The following TNRC6A variants were observed in gnomAD, a reference collection of about 807,000 sequenced individuals.
The protein encoded by TNRC6A is trinucleotide repeat-containing gene 6A protein.
TNRC6A carries 44 observed loss-of-function variants against 221.2 expected under a neutral mutation model. The observed-to-expected ratio is 0.20, with a 90% confidence interval of 0.16 to 0.26. The LOEUF is 0.26. Among genes scored for constraint, TNRC6A ranks in the 10% least tolerant of loss-of-function variants. The pLI is 1.00. For missense variants in TNRC6A, 2,199 were observed against 2,404.4 expected (o/e 0.91, Z 1.79); for synonymous variants, 847 against 838.5 (o/e 1.01, Z -0.18).
chr16:24,815,117 C>A, intron 18 of TNRC6A, 30 bp from the exon 19 acceptor site: 1 of 1,597,786 alleles, frequency 6.3e-7, no homozygotes, highest in South Asian at 1.1e-5. Flanking sequence ...GTATTTTGCT[C>A]ACATTTCTCT....
At chr16:24,671,204 T>G in intron 2 of TNRC6A, 1 of 168,596 alleles carries the variant, frequency 5.9e-6, no homozygotes, top group East Asian at 1.9e-4. Context: ...GTCAGAAAAT[T>G]GTGATTCTAA....
chr16:24,819,328 T>C (rs1412308427), intron 21 of TNRC6A, among the ~76,000 whole-genome samples: 1 of 152,098 alleles, frequency 6.6e-6, no homozygotes, highest in African/African-American at 2.4e-5. Context: ...TTTAGCATGA[T>C]AGTTGATGTG....
At chr16:24,695,721 G>A (rs896415279) in intron 2 of TNRC6A, among the ~76,000 whole-genome samples, 3 of 152,056 alleles carry the variant, frequency 2.0e-5, no homozygotes, top group African/African-American at 7.2e-5. Context: ...TACAGCTGTG[G>A]CCGTGTTTGT....
At chr16:24,776,890 T>C (rs774999160) in intron 4 of TNRC6A, 43 bp from the exon 5 acceptor site, 16 of 1,579,146 alleles carry the variant, frequency 1.0e-5, no homozygotes, top group East Asian at 6.8e-5. Flanking sequence ...AGGTACACTT[T>C]ACTGGCTAAT....
At chr16:24,655,644 G>A (rs778219268) in intron 2 of TNRC6A, among the ~76,000 whole-genome samples, 15 of 151,980 alleles carry the variant, frequency 9.9e-5, no homozygotes, top group Non-Finnish European at 1.3e-4. Flanking sequence ...AGCCAAGATC[G>A]TGCCACTGCA....
chr16:24,658,942 G>A lies in TNRC6A; in HGVS notation n.402+17933G>A, dbSNP rs181088285. 3.3e-5 allele frequency among the ~76,000 whole-genome samples: 5 copies of A among 151,844 alleles called. No individual in the cohort carries two copies. The East Asian group carries it at 7.7e-4, about 24-fold the overall frequency. On this transcript the variant is annotated intron_variant and non_coding_transcript_variant, in intron 2 of 2. Transcript: ENST00000566108. ...TCCCACCTCAGCCTCCCAAGTAGCT[G>A]GGACTATAGGCGTGCGCTACCACAC...
intron 17 of TNRC6A, among the ~76,000 whole-genome samples, chr16:24,807,258 G>C (rs185848141): frequency 1.1e-3 from 175 of 152,242 alleles, no homozygotes; most frequent in African/African-American, 4.2e-3. Context: ...GCCTGCCTTG[G>C]CCTCCCAAAG....
intron 2 of TNRC6A, among the ~76,000 whole-genome samples, chr16:24,701,112 T>C (rs571400301): frequency 3.3e-5 from 5 of 152,306 alleles, no homozygotes; most frequent in Admixed American, 2.0e-4. Context: ...CAGAGGCAAT[T>C]ATCCAGAGAG....
intron 5 of TNRC6A, among the ~76,000 whole-genome samples, chr16:24,783,373 C>T (rs1447730413): frequency 6.6e-6 from 1 of 152,132 alleles, no homozygotes; most frequent in Non-Finnish European, 1.5e-5. Context: ...AGGTAATATG[C>T]CCACCTCGGC....
intron 18 of TNRC6A, among the ~76,000 whole-genome samples, chr16:24,813,521 G>A (rs2058591917): frequency 6.6e-6 from 1 of 152,126 alleles, no homozygotes; most frequent in Non-Finnish European, 1.5e-5. Flanking sequence ...CTTTTTTATG[G>A]TGGCCCTCTT....
At chr16:24,695,556 C>T (rs2055840903) in intron 2 of TNRC6A, among the ~76,000 whole-genome samples, 1 of 152,040 alleles carries the variant, frequency 6.6e-6, no homozygotes, top group African/African-American at 2.4e-5. Context: ...CGCACCACCA[C>T]GCCCGGCTAA....
rs749398527 is a variant in TNRC6A at position 24,694,158 on chromosome 16, C to T, written n.402+53149C>T. On this transcript the variant is annotated intron_variant and non_coding_transcript_variant, in intron 2 of 2. Transcript: ENST00000566108. ...AGACCCCACAAGAATAGAAGACTCA[C>T]GCCTCCCCTCTTACAACACCCAGGG... 2.4e-4 allele frequency among the ~76,000 whole-genome samples: 36 copies of T among 152,224 alleles called. 1 individual carries two copies. The highest frequency in any genetic ancestry group is 6.2e-4 in the South Asian group (3 of 4,822).
Position 24,805,645 on chromosome 16 carries a change from G to A in TNRC6A, c.4163G>A (p.Gly1388Asp), listed in dbSNP as rs2058415489. The A allele has an allele frequency of 6.2e-7, 1 of 1,614,190 alleles. No homozygotes were observed. Among genetic ancestry groups the A allele is most frequent in the Non-Finnish European group, 8.5e-7 (1 of 1,180,032 alleles). ...SLLKYAPNNG[G>D]LNPLFGPQQV... ...CTGAAGTATGCACCAAACAACGGTG[G>A]CCTGAATCCACTCTTTGGCCCTCAA... Residue 1388 changes from glycine to aspartate, a missense_variant, in exon 15 of 25, where the codon GGC becomes GAC. Transcript: ENST00000395799.
At chr16:24,663,894 T>C (rs1459005208) in intron 2 of TNRC6A, 1 of 456,324 alleles carries the variant, frequency 2.2e-6, no homozygotes, top group African/African-American at 2.0e-5. Context: ...AGCCCTCTTA[T>C]CAGGCAGAAT....
At chr16:24,623,555 G>A (rs941448219) in intron 1 of TNRC6A, among the ~76,000 whole-genome samples, 1 of 151,946 alleles carries the variant, frequency 6.6e-6, no homozygotes, top group Non-Finnish European at 1.5e-5. Context: ...AGAATTTGTG[G>A]AGCCCAGTAC....
rs1372109701 is a variant in TNRC6A, at chr16:24,789,364, CAGCCCCTG to C, written c.723_730del (p.Ala242GlnfsTer2). Reference sequence around the variant, plus strand: ...TTGTCGGAAAAAGAAGCATGGCCCTCAGCCCCTGGCAGTGATCCGGAGTTGGCTTCAGA... The same window carrying C: ...TTGTCGGAAAAAGAAGCATGGCCCTCGCAGTGATCCGGAGTTGGCTTCAGA... On this transcript the variant is annotated frameshift_variant, in exon 6 of 25. Transcript: ENST00000395799. LOFTEE classifies it high-confidence loss of function. 2.5e-6 allele frequency: 4 copies of C among 1,614,220 alleles called. No individual in the cohort carries two copies. The highest frequency in any genetic ancestry group is 2.5e-6 in the Non-Finnish European group (3 of 1,180,038).
At chr16:24,750,047 G>A (rs1043347442) in intron 2 of TNRC6A, among the ~76,000 whole-genome samples, 3 of 152,156 alleles carry the variant, frequency 2.0e-5, no homozygotes, top group Admixed American at 2.0e-4. Flanking sequence ...GGCTGAGGCA[G>A]GAGAATCACT....
intron 2 of TNRC6A, among the ~76,000 whole-genome samples, chr16:24,702,967 A>G (rs7184499): frequency 0.5 from 76,046 of 151,622 alleles, 20,649 homozygotes; most frequent in East Asian, 0.86. Context: ...CCCAGGAGGC[A>G]GAGCTTGCAG....
intron 2 of TNRC6A, among the ~76,000 whole-genome samples, chr16:24,732,253 C>G (rs550687170): frequency 1.3e-5 from 2 of 152,298 alleles, no homozygotes; most frequent in South Asian, 4.1e-4. Context: ...AGCTGTGTTT[C>G]CTTTTTCACA....
Sources: allele counts gnomAD v4.1 joint callset (sites outside exome capture counted in the v4.1 genomes callset), GRCh38; gene constraint gnomAD v4.1.1; transcripts MANE v1.5; gene names NCBI Gene and HGNC (gene_info 2026-07-23, HGNC 2026-07-21).